Variants in VPS41 observed in about 807,000 individuals in gnomAD.
VPS41 encodes the protein vacuolar protein sorting-associated protein 41 homolog.
VPS41 carries 85 observed loss-of-function variants against 130.9 expected under a neutral mutation model. The observed-to-expected ratio is 0.65, with a 90% CI of 0.55 to 0.78. VPS41 has a LOEUF of 0.78. VPS41 is among the 30% of genes least tolerant of loss of function. VPS41 has a pLI of 0.00. For missense variants in VPS41, 874 were observed against 1,018.7 expected (o/e 0.86, Z 1.93); for synonymous variants, 335 against 332.9 (o/e 1.01, Z -0.07).
chr7:38,741,418 T>C (rs3779128), intron 25 of VPS41: 59,266 of 256,052 alleles, frequency 0.23, 8,300 homozygotes, highest in Non-Finnish European at 0.31. Flanking sequence ...ATGAAAATAA[T>C]GAGTTCCACT....
chr7:38,865,884 C>G (rs1480279102), intron 3 of VPS41, among the ~76,000 whole-genome samples: 5 of 151,856 alleles, frequency 3.3e-5, no homozygotes, highest in African/African-American at 4.8e-5. Flanking sequence ...TGGGAAGGCC[C>G]AAATCATTAA....
At chr7:38,876,204 T>C (rs1786488057) in intron 2 of VPS41, among the ~76,000 whole-genome samples, 1 of 152,198 alleles carries the variant, frequency 6.6e-6, no homozygotes, top group Non-Finnish European at 1.5e-5. Context: ...CAGCCCAAAG[T>C]GCCAGTAGCC....
At chr7:38,862,703 C>CA in intron 3 of VPS41, 81 bp from the exon 4 acceptor site, 1 of 846,560 alleles carries the variant, frequency 1.2e-6, no homozygotes, top group Non-Finnish European at 1.9e-6. Flanking sequence ...TTTTTAAAGA[C>CA]AAGATGCTTA....
At chr7:38,840,253 TTA>T (rs1785582974) in intron 4 of VPS41, among the ~76,000 whole-genome samples, 1 of 152,222 alleles carries the variant, frequency 6.6e-6, no homozygotes, top group Non-Finnish European at 1.5e-5. Context: ...TAAACTGTTG[TTA>T]TGTTTTTATT....
At chr7:38,820,938 T>TGTGC (rs970685830) in intron 6 of VPS41, among the ~76,000 whole-genome samples, 1 of 151,574 alleles carries the variant, frequency 6.6e-6, no homozygotes, top group African/African-American at 2.4e-5. Flanking sequence ...CGTGTGTGTG[T>TGTGC]GTGCGTGCGT....
intron 4 of VPS41, among the ~76,000 whole-genome samples, chr7:38,848,618 T>C (rs73357792): frequency 0.27 from 40,552 of 152,082 alleles, 5,930 homozygotes; most frequent in South Asian, 0.46. Context: ...TTCGTTCATA[T>C]AATTCTCAAA....
intron 2 of VPS41, among the ~76,000 whole-genome samples, chr7:38,880,288 T>C (rs1190216926): frequency 2.6e-5 from 4 of 151,626 alleles, no homozygotes; most frequent in African/African-American, 9.8e-5. Context: ...TAACACTTCT[T>C]ATCTAATTAC....
At chr7:38,877,536 A>G (rs1786516973) in intron 2 of VPS41, among the ~76,000 whole-genome samples, 1 of 152,178 alleles carries the variant, frequency 6.6e-6, no homozygotes, top group East Asian at 1.9e-4. Flanking sequence ...ATGTTGTTAT[A>G]CGAAAAAGGA....
chr7:38,836,964 A>G (rs896687421), intron 4 of VPS41, among the ~76,000 whole-genome samples: 1 of 152,230 alleles, frequency 6.6e-6, no homozygotes, highest in African/African-American at 2.4e-5. Context: ...TTACTATTTC[A>G]CAAAGGTCTT....
intron 4 of VPS41, among the ~76,000 whole-genome samples, chr7:38,854,529 T>A (rs1785937262): frequency 6.6e-6 from 1 of 152,188 alleles, no homozygotes; most frequent in African/African-American, 2.4e-5. Flanking sequence ...GCATCTGTAT[T>A]AACTGTCAAA....
At chr7:38,814,572 C>G (rs1203469871) in intron 7 of VPS41, among the ~76,000 whole-genome samples, 1 of 152,124 alleles carries the variant, frequency 6.6e-6, no homozygotes, top group East Asian at 1.9e-4. Context: ...ATGGCGTGAA[C>G]CCGGCAGGCA....
intron 3 of VPS41, among the ~76,000 whole-genome samples, chr7:38,868,593 T>C (rs1012131316): frequency 3.3e-5 from 5 of 152,148 alleles, no homozygotes; most frequent in Admixed American, 6.5e-5. Flanking sequence ...AGGCTAACGG[T>C]GCTATCTAGT....
At chr7:38,905,570 T>C (rs1787241527) in intron 1 of VPS41, among the ~76,000 whole-genome samples, 1 of 152,182 alleles carries the variant, frequency 6.6e-6, no homozygotes, top group Non-Finnish European at 1.5e-5. Flanking sequence ...AATAACTCAG[T>C]GCAGATGTCA....
At chr7:38,849,898 T>C (rs975001566) in intron 4 of VPS41, among the ~76,000 whole-genome samples, 10 of 145,868 alleles carry the variant, frequency 6.9e-5, no homozygotes, top group African/African-American at 2.3e-4. Context: ...ACCCTTCCCT[T>C]CCCAGCACTT....
chr7:38,783,991 C>T (rs1270669276), intron 10 of VPS41, among the ~76,000 whole-genome samples: 1 of 152,126 alleles, frequency 6.6e-6, no homozygotes, highest in East Asian at 1.9e-4. Flanking sequence ...CGGAATCATT[C>T]AGTAAACCCT....
intron 2 of VPS41, among the ~76,000 whole-genome samples, chr7:38,871,282 A>G (rs889650015): frequency 6.6e-6 from 1 of 152,232 alleles, no homozygotes; most frequent in Non-Finnish European, 1.5e-5. Flanking sequence ...GGAAGATTAT[A>G]AGACTGATGA....
intron 2 of VPS41, among the ~76,000 whole-genome samples, chr7:38,897,539 G>A (rs918479260): frequency 1.3e-5 from 2 of 151,794 alleles, no homozygotes; most frequent in Non-Finnish European, 2.9e-5. Flanking sequence ...CAGTTACTCA[G>A]GAGGCTGAGG....
Position 38,745,584 on chromosome 7 carries a change from A to G in VPS41, c.1956T>C (p.Phe652=), listed in dbSNP as rs1196967145. Reference sequence around the variant, plus strand: ...TCAGAAGATAAACTGTCTCTTCTACAAAGTTTCTCTGTTGACAGATCTCAA... The same window carrying G: ...TCAGAAGATAAACTGTCTCTTCTACGAAGTTTCTCTGTTGACAGATCTCAA... ...KALEICQQRN[F]VEETVYLLSR... Residue 652 remains phenylalanine, a synonymous_variant, in exon 23 of 29, where the codon TTT becomes TTC. Coordinates refer to ENST00000310301, the MANE Select transcript of VPS41 (RefSeq NM_014396.4). 6.2e-7 allele frequency: 1 copy of G among 1,608,464 alleles called. No homozygotes were observed. Among genetic ancestry groups the G allele is most frequent in the Admixed American group, 1.7e-5 (1 of 58,594 alleles).
intron 2 of VPS41, among the ~76,000 whole-genome samples, chr7:38,885,297 T>A (rs1188046662): frequency 6.6e-6 from 1 of 152,076 alleles, no homozygotes; most frequent in Admixed American, 6.5e-5. Flanking sequence ...ACGGTCTCGA[T>A]CTCCCCACCT....
Sources: allele counts gnomAD v4.1 joint callset (sites outside exome capture counted in the v4.1 genomes callset), GRCh38; gene constraint gnomAD v4.1.1; transcripts MANE v1.5; gene names NCBI Gene and HGNC (gene_info 2026-07-23, HGNC 2026-07-21).